Variants in JMJD7 observed in about 807,000 individuals in gnomAD.
The protein encoded by JMJD7 is jumonji domain containing 7, also known as bifunctional peptidase and (3S)-lysyl hydroxylase JMJD7.
JMJD7 carries 41 observed loss-of-function variants against 41.1 expected under a neutral mutation model. The observed-to-expected ratio is 1.00, with a 90% confidence interval of 0.78 to 1.30. The LOEUF (loss-of-function observed/expected upper bound fraction) is 1.30. Ranked by LOEUF, JMJD7 falls within the 50% of genes most tolerant of loss-of-function variation. The pLI is 0.00. For synonymous variants in JMJD7, 202 were observed against 177.2 expected (o/e 1.14, Z -1.11); for missense variants, 480 against 420.7 (o/e 1.14, Z -1.23).
chr15:41,833,414 ATT>A (rs67111164), intron 1 of JMJD7, among the ~76,000 whole-genome samples: 986 of 31,826 alleles, frequency 0.031, 24 homozygotes, highest in African/African-American at 0.073. Context: ...ATATATATAT[ATT>A]TTTTTTTTTT....
At chr15:41,830,526 G>A (rs368417012) in intron 1 of JMJD7, among the ~76,000 whole-genome samples, 8 of 152,176 alleles carry the variant, frequency 5.3e-5, no homozygotes, top group South Asian at 4.1e-4. Flanking sequence ...CTCCCTAGGC[G>A]CAATTACAGC....
In JMJD7 at chr15:41,828,101, G is replaced by T. The variant is rs200382645; in HGVS notation, c.-24G>T. Reference sequence around the variant, plus strand: ...CGGCGGGGCGTCGGGGAAAGGCGGGGTCTCGGCCGGCGCTGACGCAGCCAT... The same window carrying T: ...CGGCGGGGCGTCGGGGAAAGGCGGGTTCTCGGCCGGCGCTGACGCAGCCAT... On this transcript the variant is annotated 5_prime_UTR_variant, in exon 1 of 8. Coordinates refer to ENST00000397299, the MANE Select transcript of JMJD7 (RefSeq NM_001114632.2). 3.5e-6 allele frequency: 5 copies of T among 1,427,940 alleles called. No homozygotes were observed. The highest frequency in any genetic ancestry group is 1.6e-5 in the South Asian group (1 of 63,494). The allele number at this position is 1,427,940 out of a possible 1,614,324, so 88.5% of individuals were successfully genotyped here.
At chr15:41,837,012 G>C in intron 7 of JMJD7, 56 bp from the exon 8 acceptor site, 6 of 1,609,518 alleles carry the variant, frequency 3.7e-6, no homozygotes, top group Non-Finnish European at 5.1e-6. Context: ...GGGAGGCTTG[G>C]GAGGCTCTAG....
chr15:41,835,171 C>G lies in JMJD7; in HGVS notation c.420C>G (p.Pro140=), dbSNP rs752675352. Residue 140 remains proline, a synonymous_variant, in exon 3 of 8, where the codon CCC becomes CCG. Transcript: ENST00000397299. ...GCTCCAACCTGCCCAGCGAGCTGCCCCAGCTGCTGCCTGATCTGGAATCCC... is the reference window on the plus strand; with the variant it reads ...GCTCCAACCTGCCCAGCGAGCTGCCGCAGCTGCTGCCTGATCTGGAATCCC... ...KQCSNLPSEL[P]QLLPDLESHV... The G allele has an allele frequency of 6.2e-7, 1 of 1,603,468 alleles. No individual in the cohort carries two copies. Among genetic ancestry groups the G allele is most frequent in the Non-Finnish European group, 8.5e-7 (1 of 1,179,928 alleles).
Position 41,835,028 on chromosome 15 carries a change from G to T in JMJD7, c.277G>T (p.Ala93Ser), listed in dbSNP as rs747062485. 3.2e-5 allele frequency: 51 copies of T among 1,613,918 alleles called. No individual in the cohort carries two copies. In the Admixed American group the frequency reaches 5.7e-4, roughly 18 times the overall value. The change falls in exon 3 of 8, where the codon GCC becomes TCC. Residue 93 changes from alanine to serine, a missense_variant. Transcript: ENST00000397299. Reference protein sequence around the residue: ...VAVTPDGYADAVRGDRFMMPA... With the variant: ...VAVTPDGYADSVRGDRFMMPA... ...CGTGACCCCAGATGGTTACGCGGAT[G>T]CCGTGAGAGGGGATCGCTTCATGAT... is the stretch of plus-strand genomic sequence containing the variant.
intron 1 of JMJD7, among the ~76,000 whole-genome samples, chr15:41,833,727 A>G (rs992085664): frequency 2.0e-5 from 3 of 152,076 alleles, no homozygotes; most frequent in Admixed American, 1.3e-4. Context: ...GCCCTAAAAT[A>G]TATAGCATGT....
In JMJD7 at chr15:41,834,861, G is replaced by A. The variant is rs35263165; in HGVS notation, c.186G>A (p.Pro62=). ...TCCGCAACGCTCTGCAGCACTGGCC[G>A]GCCCTCCAGAAGTGGTCCCTCCCCT... ...CIIRNALQHW[P]ALQKWSLPYF... Residue 62 remains proline, a synonymous_variant, in exon 2 of 8, where the codon CCG becomes CCA. Transcript: ENST00000397299. 1.5e-4 allele frequency: 250 copies of A among 1,614,058 alleles called. 2 individuals carry two copies. The highest frequency in any genetic ancestry group is 1.0e-4 in the Admixed American group (6 of 60,006).
chr15:41,833,026 G>C lies in JMJD7; in HGVS notation c.65-1714G>C, dbSNP rs111945128. ...AGACTGGAAGAGTAGGTTGGGCCTG[G>C]TCATGCGTGCCAAGGCAGGCAGCAT... On this transcript the variant is annotated intron_variant, in intron 1 of 7. Transcript: ENST00000397299. Among the ~76,000 whole-genome samples, 711 of 152,320 alleles carry C rather than the reference G, an allele frequency of 4.7e-3. 8 individuals carry two copies. The highest frequency in any genetic ancestry group is 0.016 in the African/African-American group (675 of 41,570).
chr15:41,835,309 C>T, intron 3 of JMJD7, 86 bp downstream of exon 3: 1 of 1,507,002 alleles, frequency 6.6e-7, no homozygotes, highest in Admixed American at 2.0e-5. Context: ...AGGTGATGAC[C>T]TGGCCTATGG....
chr15:41,830,436 T>A (rs2065213199), intron 1 of JMJD7, among the ~76,000 whole-genome samples: 2 of 152,208 alleles, frequency 1.3e-5, no homozygotes, highest in African/African-American at 4.8e-5. Context: ...GAGAGGCAGC[T>A]GGGGCCACAT....
chr15:41,836,085 G>A, intron 4 of JMJD7, 63 bp from the exon 5 acceptor site: 1 of 1,499,976 alleles, frequency 6.7e-7, no homozygotes, highest in Non-Finnish European at 9.0e-7. Flanking sequence ...CAGCATGATG[G>A]TTTGCCTCCT....
intron 1 of JMJD7, among the ~76,000 whole-genome samples, chr15:41,834,344 G>A (rs539479147): frequency 2.0e-5 from 3 of 152,346 alleles, no homozygotes; most frequent in East Asian, 1.9e-4. Context: ...AGAATAGCCC[G>A]TGGCCATGGG....
chr15:41,830,162 A>G (rs1220825865), intron 1 of JMJD7, among the ~76,000 whole-genome samples: 1 of 151,854 alleles, frequency 6.6e-6, no homozygotes, highest in African/African-American at 2.4e-5. Flanking sequence ...CTCAGCCCAG[A>G]CCCTCTGCTG....
rs886547611 is a variant in JMJD7 at position 41,828,105 on chromosome 15, C to T, written c.-20C>T. ...GGGGCGTCGGGGAAAGGCGGGGTCT[C>T]GGCCGGCGCTGACGCAGCCATGGCG... On this transcript the variant is annotated 5_prime_UTR_variant, in exon 1 of 8. Transcript: ENST00000397299. 44 of 1,430,750 alleles carry T rather than the reference C, an allele frequency of 3.1e-5. No individual in the cohort carries two copies. The highest frequency in any genetic ancestry group is 3.5e-5 in the Non-Finnish European group (38 of 1,095,544). The allele number at this position is 1,430,750 out of a possible 1,614,324, so 88.6% of individuals were successfully genotyped here.
chr15:41,833,414 A>ATATATATATTTT (rs1239528383), intron 1 of JMJD7, among the ~76,000 whole-genome samples: 1 of 32,012 alleles, frequency 3.1e-5, no homozygotes, highest in African/African-American at 9.4e-5. Flanking sequence ...ATATATATAT[A>ATATATATATTTT]TTTTTTTTTT....
Position 41,835,359 on chromosome 15 carries a change from A to G in JMJD7, c.472+136A>G, listed in dbSNP as rs2065296477. On this transcript the variant is annotated intron_variant, in intron 3 of 7. Coordinates refer to ENST00000397299, the MANE Select transcript of JMJD7 (RefSeq NM_001114632.2). ...GCATCTGGTGCAGCTCACTAAATAC[A>G]TTCCCAGGCCTTGACTTAATCATAG... The G allele has an allele frequency of 2.0e-5, 27 of 1,372,042 alleles. No individual in the cohort carries two copies. In the South Asian group the frequency reaches 3.8e-4, roughly 19 times the overall value. The allele number at this position is 1,372,042 out of a possible 1,614,324, so 85.0% of individuals were successfully genotyped here.
At chr15:41,831,942 G>A (rs933568867) in intron 1 of JMJD7, among the ~76,000 whole-genome samples, 1 of 152,256 alleles carries the variant, frequency 6.6e-6, no homozygotes, top group Non-Finnish European at 1.5e-5. Context: ...GAAGAACTGC[G>A]GCCCTTTGGG....
chr15:41,833,982 G>C (rs1401795460), intron 1 of JMJD7, among the ~76,000 whole-genome samples: 1 of 152,152 alleles, frequency 6.6e-6, no homozygotes, highest in East Asian at 1.9e-4. Flanking sequence ...GATGACGGGA[G>C]TGAAGGAGAA....
chr15:41,835,264 A>G, intron 3 of JMJD7, 41 bp downstream of exon 3: 1 of 1,573,040 alleles, frequency 6.4e-7, no homozygotes, highest in East Asian at 2.3e-5. Flanking sequence ...GACAGGGAAG[A>G]TATGGGAAGG....
Sources: gnomAD v4.1 joint callset for allele counts (sites outside exome capture counted in the v4.1 genomes callset) on GRCh38, gnomAD v4.1.1 for gene constraint, MANE v1.5 for transcripts, NCBI Gene and HGNC (gene_info 2026-07-23, HGNC 2026-07-21) for gene names.